Variants in ZNF423 observed in about 807,000 individuals in gnomAD.
ZNF423 encodes Ebf-associated zinc finger protein.
ZNF423 carries 12 observed loss-of-function variants against 95.8 expected under a neutral mutation model. The observed-to-expected ratio is 0.13, with a 90% CI of 0.08 to 0.20. The LOEUF (loss-of-function observed/expected upper bound fraction) is 0.20. ZNF423 is among the 10% of genes least tolerant of loss of function. ZNF423 has a pLI of 1.00. For synonymous variants in ZNF423, 749 were observed against 711.9 expected (o/e 1.05, Z -0.83); for missense variants, 1,316 against 1,737.1 (o/e 0.76, Z 4.31).
intron 2 of ZNF423, among the ~76,000 whole-genome samples, chr16:49,734,177 C>A (rs923734878): frequency 1.3e-5 from 2 of 152,192 alleles, no homozygotes; most frequent in African/African-American, 2.4e-5. Flanking sequence ...CCCACCTGAT[C>A]GGTTGCTCAG....
At chr16:49,655,116 A>G (rs560518194) in intron 3 of ZNF423, among the ~76,000 whole-genome samples, 2 of 152,336 alleles carry the variant, frequency 1.3e-5, no homozygotes, top group African/African-American at 4.8e-5. Flanking sequence ...CTCCAGATAC[A>G]GAGAGATGGG....
intron 5 of ZNF423, among the ~76,000 whole-genome samples, chr16:49,528,719 G>A (rs1469735798): frequency 6.6e-6 from 1 of 151,794 alleles, no homozygotes; most frequent in Non-Finnish European, 1.5e-5. Context: ...TCCCTTGGGT[G>A]TCCATTACGT....
intron 5 of ZNF423, among the ~76,000 whole-genome samples, chr16:49,579,977 C>G (rs1747640385): frequency 6.6e-6 from 1 of 152,190 alleles, no homozygotes; most frequent in Admixed American, 6.5e-5. Flanking sequence ...CCACCATGGA[C>G]TGTCATCTCC....
At chr16:49,573,261 T>C (rs1424612528) in intron 5 of ZNF423, among the ~76,000 whole-genome samples, 2 of 152,142 alleles carry the variant, frequency 1.3e-5, no homozygotes, top group Non-Finnish European at 2.9e-5. Context: ...TAGAGGATGC[T>C]GGGAGACTCC....
At chr16:49,732,875 G>A (rs534893486) in intron 2 of ZNF423, among the ~76,000 whole-genome samples, 32 of 152,314 alleles carry the variant, frequency 2.1e-4, no homozygotes, top group African/African-American at 6.0e-4. Context: ...AACGTTGCAC[G>A]ACACGCCGCC....
intron 7 of ZNF423, among the ~76,000 whole-genome samples, chr16:49,504,309 T>C (rs1967545646): frequency 6.6e-6 from 1 of 152,224 alleles, no homozygotes; most frequent in Non-Finnish European, 1.5e-5. Flanking sequence ...CTCACACCTG[T>C]AATCCCAGCA....
chr16:49,786,852 CT>C (rs1473749244), intron 2 of ZNF423, among the ~76,000 whole-genome samples: 1 of 152,244 alleles, frequency 6.6e-6, no homozygotes, highest in African/African-American at 2.4e-5. Context: ...CCCCCATAAT[CT>C]TCTTTGGCAT....
At chr16:49,849,173 C>T (rs2035275971) in intron 1 of ZNF423, among the ~76,000 whole-genome samples, 1 of 152,134 alleles carries the variant, frequency 6.6e-6, no homozygotes, top group African/African-American at 2.4e-5. Context: ...AGTTTGCCAT[C>T]TGCAAAGGGA....
intron 5 of ZNF423, among the ~76,000 whole-genome samples, chr16:49,536,432 GT>G (rs767808121): frequency 0.014 from 1,791 of 126,754 alleles, 8 homozygotes; most frequent in Middle Eastern, 0.049. Flanking sequence ...TTTCTGGGTG[GT>G]TTTTTTTTTT....
chr16:49,528,378 C>G (rs575041498), intron 5 of ZNF423, among the ~76,000 whole-genome samples: 1 of 152,206 alleles, frequency 6.6e-6, no homozygotes, highest in African/African-American at 2.4e-5. Flanking sequence ...GCAAGCCGTC[C>G]GGGGCCCAAA....
At chr16:49,563,204 G>T (rs1970075116) in intron 5 of ZNF423, among the ~76,000 whole-genome samples, 1 of 152,120 alleles carries the variant, frequency 6.6e-6, no homozygotes, top group African/African-American at 2.4e-5. Context: ...GGAGGTGTTT[G>T]GATCACAGGG....
chr16:49,511,140 T>G (rs1362793604), intron 7 of ZNF423, among the ~76,000 whole-genome samples: 1 of 152,200 alleles, frequency 6.6e-6, no homozygotes, highest in Non-Finnish European at 1.5e-5. Context: ...GGACACAGAC[T>G]TCTGTTTCAA....
At chr16:49,853,174 C>T (rs1321425469) in intron 1 of ZNF423, among the ~76,000 whole-genome samples, 2 of 152,018 alleles carry the variant, frequency 1.3e-5, no homozygotes, top group African/African-American at 2.4e-5. Context: ...TAAAAGACAC[C>T]GCTGTTCCTT....
chr16:49,689,923 C>CTA (rs762286289), intron 3 of ZNF423, among the ~76,000 whole-genome samples: 6 of 152,174 alleles, frequency 3.9e-5, no homozygotes, highest in Non-Finnish European at 8.8e-5. Context: ...CCAGATAGCT[C>CTA]AATAGCCAAG....
At chr16:49,576,648 T>C (rs550573699) in intron 5 of ZNF423, among the ~76,000 whole-genome samples, 3 of 152,356 alleles carry the variant, frequency 2.0e-5, no homozygotes, top group African/African-American at 7.2e-5. Context: ...AACTCTCTGC[T>C]GCCCACACAG....
chr16:49,749,244 C>A (rs556387230), intron 2 of ZNF423, among the ~76,000 whole-genome samples: 2 of 152,274 alleles, frequency 1.3e-5, no homozygotes, highest in African/African-American at 4.8e-5. Flanking sequence ...AGCCCACCCC[C>A]ACAAGAAACG....
At chr16:49,602,824 C>A (rs894450935) in intron 5 of ZNF423, among the ~76,000 whole-genome samples, 4 of 152,160 alleles carry the variant, frequency 2.6e-5, no homozygotes, top group African/African-American at 9.7e-5. Flanking sequence ...CAAGTGGGAA[C>A]CAAGCCTCAT....
chr16:49,763,109 C>A (rs2033862533), intron 2 of ZNF423, among the ~76,000 whole-genome samples: 2 of 152,090 alleles, frequency 1.3e-5, no homozygotes, highest in African/African-American at 4.8e-5. Context: ...CTCAAGAGAG[C>A]CTCCTTCCTC....
chr16:49,693,509 C>G (rs997212931), intron 3 of ZNF423, among the ~76,000 whole-genome samples: 1 of 152,160 alleles, frequency 6.6e-6, no homozygotes, highest in African/African-American at 2.4e-5. Flanking sequence ...CAGCATCTAT[C>G]CCTGCATTCT....
Sources: gnomAD v4.1 joint callset for allele counts (sites outside exome capture counted in the v4.1 genomes callset) on GRCh38, gnomAD v4.1.1 for gene constraint, MANE v1.5 for transcripts, NCBI Gene and HGNC (gene_info 2026-07-23, HGNC 2026-07-21) for gene names.